IL15: variants seen among roughly 807,000 people sequenced by gnomAD.
IL15 encodes the protein interleukin 15.
A neutral mutation model predicts 19.6 loss-of-function variants in IL15; 11 were observed. That is an observed-to-expected ratio of 0.56 (90% CI 0.35 to 0.93). IL15 has a LOEUF of 0.93. IL15 is among the 40% of genes least tolerant of loss of function. The pLI, the probability that IL15 is intolerant of heterozygous loss-of-function variation, is 0.01. For missense variants in IL15, 197 were observed against 186.5 expected (o/e 1.06, Z -0.33); for synonymous variants, 58 against 59.6 (o/e 0.97, Z 0.12).
chr4:141,677,028 A>T (rs986473214), intron 2 of IL15, among the ~76,000 whole-genome samples: 5 of 152,204 alleles, frequency 3.3e-5, no homozygotes, highest in African/African-American at 4.8e-5. Flanking sequence ...CATGTCATGG[A>T]CCCTTCTATG....
intron 2 of IL15, among the ~76,000 whole-genome samples, chr4:141,666,717 A>G (rs984655456): frequency 6.6e-6 from 1 of 151,702 alleles, no homozygotes; most frequent in Admixed American, 6.6e-5. Flanking sequence ...AACTAAAAAT[A>G]TACTCTCATC....
chr4:141,721,259 C>A (rs1184310386), intron 4 of IL15: 13 of 714,308 alleles, frequency 1.8e-5, no homozygotes, highest in Non-Finnish European at 3.1e-5. Context: ...GATTATTTTT[C>A]CTCAAGCTCT....
At chr4:141,723,721 T>G (rs1361263784) in intron 5 of IL15, among the ~76,000 whole-genome samples, 2 of 152,162 alleles carry the variant, frequency 1.3e-5, no homozygotes, top group Non-Finnish European at 2.9e-5. Flanking sequence ...AAAGTAGACT[T>G]CACAGAAAAT....
chr4:141,695,299 T>C (rs1226009643), intron 2 of IL15, among the ~76,000 whole-genome samples: 1 of 145,404 alleles, frequency 6.9e-6, no homozygotes, highest in Non-Finnish European at 1.5e-5. Flanking sequence ...TTTTTTTTTT[T>C]TAAGATTCCA....
intron 1 of IL15, among the ~76,000 whole-genome samples, chr4:141,647,594 TCG>T (rs1727271186): frequency 6.6e-6 from 1 of 151,988 alleles, no homozygotes; most frequent in Admixed American, 6.6e-5. Flanking sequence ...GGGAAGGCCT[TCG>T]AGGAGGAATT....
chr4:141,687,279 C>A (rs1168969093), intron 2 of IL15, among the ~76,000 whole-genome samples: 1 of 152,126 alleles, frequency 6.6e-6, no homozygotes, highest in Non-Finnish European at 1.5e-5. Context: ...TAGCCAAGAG[C>A]CTGGGAGATA....
Position 141,729,960 on chromosome 4 carries a change from A to G in IL15, c.354A>G (p.Ala118=). 1 of 1,609,436 alleles carries G rather than the reference A, an allele frequency of 6.2e-7. No individual in the cohort carries two copies. The highest frequency in any genetic ancestry group is 1.1e-5 in the South Asian group (1 of 90,922). The change falls in exon 7 of 8, where the codon GCA becomes GCG. Residue 118 remains alanine (A), a synonymous_variant. Coordinates refer to ENST00000320650, the MANE Select transcript of IL15 (RefSeq NM_000585.5). ...HDTVENLIIL[A]NNSLSSNGNV... The stretch of plus-strand genomic sequence containing the variant: ...CAGTAGAAAATCTGATCATCCTAGC[A>G]AACAACAGTTTGTCTTCTAATGGGG...
chr4:141,644,376 G>A (rs1013464757), intron 1 of IL15, among the ~76,000 whole-genome samples: 2 of 151,988 alleles, frequency 1.3e-5, no homozygotes, highest in African/African-American at 4.8e-5. Context: ...GGCTACTTTC[G>A]GCTGCTTGAC....
intron 2 of IL15, among the ~76,000 whole-genome samples, chr4:141,678,726 C>T (rs752868568): frequency 7.2e-5 from 11 of 151,766 alleles, no homozygotes; most frequent in Non-Finnish European, 1.0e-4. Context: ...CTCAGCCTCC[C>T]GAGTAGCTGG....
chr4:141,655,326 C>A (rs1380489213), intron 1 of IL15, among the ~76,000 whole-genome samples: 1 of 148,202 alleles, frequency 6.7e-6, no homozygotes, highest in Non-Finnish European at 1.5e-5. Context: ...GAAGTGAAAT[C>A]AAATTTAAGG....
At chr4:141,658,763 G>A (rs559733623) in intron 2 of IL15, among the ~76,000 whole-genome samples, 1 of 151,160 alleles carries the variant, frequency 6.6e-6, no homozygotes, top group South Asian at 2.1e-4. Context: ...TAAATTCAAA[G>A]AAAAAACACG....
At chr4:141,729,195 A>G (rs767521017) in intron 6 of IL15, among the ~76,000 whole-genome samples, 11 of 152,112 alleles carry the variant, frequency 7.2e-5, no homozygotes, top group Non-Finnish European at 1.3e-4. Context: ...GCTCCCAGGT[A>G]CTGTGCAAGG....
intron 2 of IL15, chr4:141,716,013 G>A (rs1385283887): frequency 6.6e-6 from 1 of 152,106 alleles, no homozygotes; most frequent in African/African-American, 2.4e-5. Flanking sequence ...TAGAGCAGAG[G>A]CAACTGTGTG....
At chr4:141,646,799 T>C (rs1407666193) in intron 1 of IL15, among the ~76,000 whole-genome samples, 1 of 152,078 alleles carries the variant, frequency 6.6e-6, no homozygotes, top group Non-Finnish European at 1.5e-5. Flanking sequence ...ACTTGTATGT[T>C]TTATTGAATT....
chr4:141,653,327 A>G (rs1215370168), intron 1 of IL15, among the ~76,000 whole-genome samples: 1 of 152,176 alleles, frequency 6.6e-6, no homozygotes, highest in South Asian at 2.1e-4. Context: ...TTCTTCATAT[A>G]TGATTAGACA....
intron 2 of IL15, among the ~76,000 whole-genome samples, chr4:141,671,127 G>A (rs1728163389): frequency 6.6e-6 from 1 of 152,118 alleles, no homozygotes; most frequent in Admixed American, 6.5e-5. Flanking sequence ...GTATATACTA[G>A]AGACAGAAAG....
At chr4:141,674,483 G>A (rs1163564119) in intron 2 of IL15, among the ~76,000 whole-genome samples, 1 of 152,084 alleles carries the variant, frequency 6.6e-6, no homozygotes, top group Non-Finnish European at 1.5e-5. Context: ...CTACTCAGGA[G>A]GCTGAGGCAG....
chr4:141,728,382 T>C (rs1031097969), intron 6 of IL15, among the ~76,000 whole-genome samples: 2 of 152,158 alleles, frequency 1.3e-5, no homozygotes, highest in African/African-American at 4.8e-5. Flanking sequence ...TTCCATAAAT[T>C]GCTTAAAATC....
At chr4:141,705,662 G>C (rs1729488938) in intron 2 of IL15, among the ~76,000 whole-genome samples, 1 of 151,966 alleles carries the variant, frequency 6.6e-6, no homozygotes. Context: ...GTTCATTGTT[G>C]AAAGTGGTAT....
Sources: allele counts gnomAD v4.1 joint callset (sites outside exome capture counted in the v4.1 genomes callset), GRCh38; gene constraint gnomAD v4.1.1; transcripts MANE v1.5; gene names NCBI Gene and HGNC (gene_info 2026-07-23, HGNC 2026-07-21).